The following PHF14 variants were observed in gnomAD, a reference collection of about 807,000 sequenced individuals.
PHF14 encodes PHD finger protein 14.
Under a neutral mutation model 117.9 loss-of-function variants are expected in PHF14, and 55 were observed. The observed-to-expected ratio is 0.47, with a 90% CI of 0.38 to 0.58. The LOEUF (loss-of-function observed/expected upper bound fraction) is 0.58, where lower values mean the gene tolerates loss of function less well. Ranked by LOEUF, PHF14 falls within the 20% of genes least tolerant of loss-of-function variation. The pLI, the probability that PHF14 is intolerant of heterozygous loss-of-function variation, is 0.00. For missense variants in PHF14, 978 were observed against 1,122.2 expected (o/e 0.87, Z 1.84); for synonymous variants, 409 against 368.6 (o/e 1.11, Z -1.26).
At chr7:11,053,936 C>G (rs1217344061) in intron 14 of PHF14, among the ~76,000 whole-genome samples, 1 of 151,124 alleles carries the variant, frequency 6.6e-6, no homozygotes, top group African/African-American at 2.4e-5. Context: ...AGTGAAACAC[C>G]AGGGAAAGAG....
intron 13 of PHF14, among the ~76,000 whole-genome samples, chr7:11,044,890 C>A (rs1270924178): frequency 6.6e-6 from 1 of 152,176 alleles, no homozygotes; most frequent in Non-Finnish European, 1.5e-5. Flanking sequence ...ATTGTACCTA[C>A]TGGTCGAGTA....
chr7:11,060,813 T>C (rs1562445484), intron 14 of PHF14, among the ~76,000 whole-genome samples: 1 of 152,200 alleles, frequency 6.6e-6, no homozygotes, highest in Non-Finnish European at 1.5e-5. Context: ...GTTTATAAAT[T>C]TACTTTTTTT....
intron 17 of PHF14, among the ~76,000 whole-genome samples, chr7:11,141,654 A>G (rs751119602): frequency 2.0e-5 from 3 of 152,162 alleles, no homozygotes; most frequent in South Asian, 2.1e-4. Context: ...GGGAAGTTTT[A>G]TCTTATTTAC....
intron 4 of PHF14, among the ~76,000 whole-genome samples, chr7:10,996,241 T>C (rs2128311783): frequency 6.6e-6 from 1 of 152,332 alleles, no homozygotes; most frequent in African/African-American, 2.4e-5. Flanking sequence ...TAGGAGACCA[T>C]TGCAATTATC....
At chr7:11,032,858 T>G (rs890522764) in intron 7 of PHF14, among the ~76,000 whole-genome samples, 2 of 152,216 alleles carry the variant, frequency 1.3e-5, no homozygotes, top group Non-Finnish European at 2.9e-5. Context: ...GTTACCTCTA[T>G]TTAGAAATCT....
intron 17 of PHF14, among the ~76,000 whole-genome samples, chr7:11,112,100 A>G (rs1787465405): frequency 1.3e-5 from 2 of 152,132 alleles, no homozygotes; most frequent in African/African-American, 4.8e-5. Flanking sequence ...GTGGTTTGTT[A>G]AAGTGAGTAA....
chr7:11,066,430 C>G (rs80014362), intron 16 of PHF14, among the ~76,000 whole-genome samples: 3,980 of 152,190 alleles, frequency 0.026, 62 homozygotes, highest in Middle Eastern at 0.075. Flanking sequence ...CTTTTCTGTT[C>G]TAACTAGTAT....
chr7:11,064,213 T>A (rs1270154050), intron 16 of PHF14, among the ~76,000 whole-genome samples: 1 of 151,982 alleles, frequency 6.6e-6, no homozygotes, highest in Admixed American at 6.6e-5. Flanking sequence ...TAAAATTTCA[T>A]ATGTTTAATA....
chr7:11,010,863 C>T (rs1457570311), intron 4 of PHF14, among the ~76,000 whole-genome samples: 3 of 152,070 alleles, frequency 2.0e-5, no homozygotes, highest in Non-Finnish European at 2.9e-5. Context: ...CTATGTTGCC[C>T]AGGCTGATCT....
Position 11,024,914 on chromosome 7 carries a change from A to G in PHF14, c.1317+1935A>G, listed in dbSNP as rs113418162. ...TTTAAGAAATACATTTCATAAGGCT[A>G]TAGCTGCCATACATAGTGATTCCTC... On this transcript the variant is annotated intron_variant, in intron 6 of 17. Transcript: ENST00000634607. Among the ~76,000 whole-genome samples the G allele has an allele frequency of 5.1e-4, 78 of 152,390 alleles. 4 individuals carry two copies. Among genetic ancestry groups the G allele is most frequent in the African/African-American group, 1.8e-3 (76 of 41,598 alleles).
intron 16 of PHF14, among the ~76,000 whole-genome samples, chr7:11,090,153 C>G (rs1786589758): frequency 6.6e-6 from 1 of 152,168 alleles, no homozygotes; most frequent in Non-Finnish European, 1.5e-5. Flanking sequence ...TGATTTAATT[C>G]ATAAATAGGC....
intron 16 of PHF14, among the ~76,000 whole-genome samples, chr7:11,071,868 A>G (rs145183451): frequency 1.3e-5 from 2 of 152,222 alleles, no homozygotes; most frequent in African/African-American, 4.8e-5. Flanking sequence ...CATTTTATTC[A>G]TTCTTCAACT....
intron 17 of PHF14, among the ~76,000 whole-genome samples, chr7:11,120,957 ATTT>A (rs1787734755): frequency 6.6e-6 from 1 of 152,128 alleles, no homozygotes; most frequent in Middle Eastern, 3.2e-3. Flanking sequence ...ATAAAGGCAT[ATTT>A]TTTTCTTTGT....
At chr7:11,063,206 A>T (rs1785296823) in intron 16 of PHF14, 1 of 982,582 alleles carries the variant, frequency 1.0e-6, no homozygotes. Flanking sequence ...AGTTTATAAT[A>T]ATTGGCTAAT....
chr7:10,984,561 A>G (rs1366526259), intron 3 of PHF14, among the ~76,000 whole-genome samples: 3 of 152,164 alleles, frequency 2.0e-5, no homozygotes, highest in Non-Finnish European at 4.4e-5. Flanking sequence ...TTAATACTCT[A>G]TATATAATGA....
intron 7 of PHF14, among the ~76,000 whole-genome samples, chr7:11,032,846 T>C (rs1226247643): frequency 1.3e-5 from 2 of 152,248 alleles, no homozygotes; most frequent in East Asian, 3.8e-4. Flanking sequence ...AGTTGGGCTC[T>C]AGTTACCTCT....
At chr7:11,083,927 A>G (rs901602324) in intron 16 of PHF14, among the ~76,000 whole-genome samples, 1 of 152,214 alleles carries the variant, frequency 6.6e-6, no homozygotes, top group Admixed American at 6.5e-5. Flanking sequence ...CCAGAGGAGA[A>G]GATGGGATGC....
chr7:11,137,977 C>G (rs1192305818), intron 17 of PHF14, among the ~76,000 whole-genome samples: 2 of 151,748 alleles, frequency 1.3e-5, no homozygotes, highest in African/African-American at 4.8e-5. Context: ...TGCATATAAA[C>G]ATAAACAGAC....
chr7:10,988,503 T>G (rs1002785032), intron 3 of PHF14, among the ~76,000 whole-genome samples: 1 of 151,370 alleles, frequency 6.6e-6, no homozygotes, highest in Non-Finnish European at 1.5e-5. Context: ...ATTTTCAAAC[T>G]GTGATTGTTT....
Sources: allele counts gnomAD v4.1 joint callset (sites outside exome capture counted in the v4.1 genomes callset), GRCh38; gene constraint gnomAD v4.1.1; transcripts MANE v1.5; gene names NCBI Gene and HGNC (gene_info 2026-07-23, HGNC 2026-07-21).